The following PIEZO1 variants were observed in gnomAD, a reference collection of about 807,000 sequenced individuals.
The protein encoded by PIEZO1 is piezo-type mechanosensitive ion channel component 1.
Under a neutral mutation model 297.2 loss-of-function variants are expected in PIEZO1, and 296 were observed. That is an observed-to-expected ratio of 1.00 (90% CI 0.91 to 1.10). The LOEUF is 1.10. Among genes scored for constraint, PIEZO1 ranks in the 50% least tolerant of loss-of-function variants. The probability of loss-of-function intolerance (pLI) is 0.00; values close to 1 mark genes in which losing one functional copy is unlikely to be tolerated. For synonymous variants in PIEZO1, 2,427 were observed against 1,507.5 expected, an observed-to-expected ratio of 1.61 and a Z score of -14.13; for missense variants, 5,018 against 3,455.5, an observed-to-expected ratio of 1.45 and a Z score of -11.34.
At chr16:88,753,863 C>T (rs867500719) in intron 1 of PIEZO1, among the ~76,000 whole-genome samples, 3 of 152,154 alleles carry the variant, frequency 2.0e-5, no homozygotes, top group Non-Finnish European at 4.4e-5. Flanking sequence ...CAGGGCAGGT[C>T]GGAAGCTTCG....
chr16:88,742,745 G>T (rs571726002), intron 2 of PIEZO1: 23 of 371,852 alleles, frequency 6.2e-5, no homozygotes, highest in South Asian at 5.0e-4. Flanking sequence ...ACCTGTCACC[G>T]TTCAGTTGTG....
In PIEZO1 at chr16:88,715,564, A is replaced by C. The variant is rs1331746454; in HGVS notation, c.*41T>G. On this transcript the variant is annotated 3_prime_UTR_variant, in exon 51 of 51. Coordinates refer to ENST00000301015, the MANE Select transcript of PIEZO1 (RefSeq NM_001142864.4). ...GCCGCCCCTTGTGGCCACGCTGCCCAGCAGGCCGGCTCCTTCCCTCTCGGG... is the reference window on the plus strand; with the variant it reads ...GCCGCCCCTTGTGGCCACGCTGCCCCGCAGGCCGGCTCCTTCCCTCTCGGG... 3 of 1,534,420 alleles carry C rather than the reference A, an allele frequency of 2.0e-6. No individual in the cohort carries two copies. Among genetic ancestry groups the C allele is most frequent in the East Asian group, 2.5e-5 (1 of 40,784 alleles).
chr16:88,722,489 T>C (rs995043315), intron 35 of PIEZO1, 92 bp from the exon 36 acceptor site: 16 of 1,435,948 alleles, frequency 1.1e-5, no homozygotes, highest in African/African-American at 5.7e-5. Flanking sequence ...CCACGGTCCT[T>C]TGGGGTACAA....
In PIEZO1 at chr16:88,727,167, G is replaced by A; in HGVS notation, c.3327C>T (p.Ala1109=). ...CTGAGAACACCTGCCACTGCTGGGAGGCGCACAGCAGCAGGAGAAAGTCGC... is the reference window on the plus strand; with the variant it reads ...CTGAGAACACCTGCCACTGCTGGGAAGCGCACAGCAGCAGGAGAAAGTCGC... The part of the protein sequence containing the change: ...LISDFLLLLC[A]SQQWQVFSAE... Residue 1109 remains alanine (A), a synonymous_variant, in exon 24 of 51, where the codon GCC becomes GCT. Coordinates refer to ENST00000301015, the MANE Select transcript of PIEZO1 (RefSeq NM_001142864.4). 1 of 1,545,372 alleles carries A rather than the reference G, an allele frequency of 6.5e-7. No individual in the cohort carries two copies. The highest frequency in any genetic ancestry group is 8.7e-7 in the Non-Finnish European group (1 of 1,143,646).
intron 1 of PIEZO1, among the ~76,000 whole-genome samples, chr16:88,778,193 C>T (rs1228461585): frequency 1.3e-5 from 2 of 152,156 alleles, no homozygotes; most frequent in East Asian, 1.9e-4. Context: ...GGGCATGGCC[C>T]GAGCCCCCTT....
chr16:88,716,308 G>A (rs770258207), intron 48 of PIEZO1, 31 bp from the exon 49 acceptor site: 26 of 1,495,720 alleles, frequency 1.7e-5, no homozygotes, highest in African/African-American at 2.8e-5. Flanking sequence ...GTCAGGCCTG[G>A]CCCAGCCAAC....
intron 16 of PIEZO1, 46 bp from the exon 17 acceptor site, chr16:88,734,100 C>T: frequency 1.4e-6 from 2 of 1,470,470 alleles, no homozygotes; most frequent in Non-Finnish European, 1.8e-6. Context: ...GGTTCCTGCC[C>T]CTCATTTCCT....
intron 1 of PIEZO1, among the ~76,000 whole-genome samples, chr16:88,774,144 G>C (rs375512429): frequency 4.9e-4 from 74 of 152,318 alleles, no homozygotes; most frequent in African/African-American, 1.7e-3. Context: ...CTAAGCGCAT[G>C]ACTGTCACCT....
intron 2 of PIEZO1, among the ~76,000 whole-genome samples, chr16:88,748,973 C>G (rs1031620114): frequency 6.9e-6 from 1 of 144,748 alleles, no homozygotes; most frequent in Non-Finnish European, 1.5e-5. Flanking sequence ...CGCGGTGGCT[C>G]ACGTCTGTAA....
At position 88,719,880 on chromosome 16, in the gene PIEZO1, C is replaced by G. The variant is rs866496325; in HGVS notation, c.6245G>C (p.Arg2082Pro). The G allele has an allele frequency of 3.2e-6, 5 of 1,550,574 alleles. No individual in the cohort carries two copies. The part of the protein sequence containing the change: ...IYFALSAYQI[R>P]CGYPTRILGN... ...GAGGATGCGGGTGGGGTAGCCGCAG[C>G]GGATCTGGTAGGCGGACAGGGCGAA... The change falls in exon 43 of 51, where the codon CGC (arginine) becomes CCC (proline). Residue 2082 changes from arginine to proline, a missense_variant. Coordinates refer to ENST00000301015, the MANE Select transcript of PIEZO1 (RefSeq NM_001142864.4).
chr16:88,730,081 C>G (rs1188559902), intron 22 of PIEZO1, among the ~76,000 whole-genome samples: 1 of 152,260 alleles, frequency 6.6e-6, no homozygotes, highest in African/African-American at 2.4e-5. Context: ...AGACGGGGAG[C>G]TGGCCTCGGT....
intron 10 of PIEZO1, chr16:88,736,957 T>G: frequency 4.5e-6 from 2 of 444,204 alleles, no homozygotes. Context: ...GGGCCTCACT[T>G]TCCTTGAAAG....
In PIEZO1 at chr16:88,731,921, GA is replaced by G. The variant is rs2070342160; in HGVS notation, c.2992-12del. On this transcript the variant is annotated splice_polypyrimidine_tract_variant and intron_variant, in intron 21 of 50. Transcript: ENST00000301015. The stretch of plus-strand genomic sequence containing the variant: ...CATCAGGAAGCAGATCTGGGGAGGG[GA>G]GAGGGCGGGGTGTGGGGATGCACTG... 2.0e-6 allele frequency: 3 copies of G among 1,505,722 alleles called. No individual in the cohort carries two copies. Among genetic ancestry groups the G allele is most frequent in the Non-Finnish European group, 1.8e-6 (2 of 1,117,506 alleles). 93.3% of individuals were successfully genotyped at this position (1,505,722 alleles called of 1,614,324 possible).
At position 88,780,249 on chromosome 16, in the gene PIEZO1, G is replaced by C. The variant is rs113397876; in HGVS notation, c.64+4652C>G. On this transcript the variant is annotated intron_variant, in intron 1 of 50. Transcript: ENST00000301015. Reference sequence around the variant, plus strand: ...CGGGCCTGTCCCTTCCCACCAGTGTGATCTTGGGTGTGTGAATTAACTTCC... The same window carrying C: ...CGGGCCTGTCCCTTCCCACCAGTGTCATCTTGGGTGTGTGAATTAACTTCC... Among the ~76,000 whole-genome samples, 1,367 of 152,326 alleles carry C rather than the reference G, an allele frequency of 9.0e-3. 9 individuals are homozygous for C. The highest frequency in any genetic ancestry group is 0.054 in the Middle Eastern group (16 of 294).
intron 38 of PIEZO1, 36 bp from the exon 39 acceptor site, chr16:88,721,466 C>G (rs1339307430): frequency 6.5e-7 from 1 of 1,539,102 alleles, no homozygotes; most frequent in East Asian, 2.5e-5. Flanking sequence ...GGGGCCTTGC[C>G]TCCCTGGTGG....
chr16:88,757,330 G>GGC lies in PIEZO1; in HGVS notation c.65-7852_65-7851insGC, dbSNP rs1906722310. The stretch of plus-strand genomic sequence containing the variant: ...GGGGGCGTTGCTGGCGGGGGGGTGG[G>GGC]GGGTAGTTACCTAACCTGCCTGCTT... On this transcript the variant is annotated intron_variant, in intron 1 of 50. Coordinates refer to ENST00000301015, the MANE Select transcript of PIEZO1 (RefSeq NM_001142864.4). 1.7e-5 allele frequency among the ~76,000 whole-genome samples: 2 copies of GGC among 121,102 alleles called. 1 individual carries two copies. The highest frequency in any genetic ancestry group is 3.3e-5 in the Non-Finnish European group (2 of 59,828). 79.4% of individuals were successfully genotyped at this position (121,102 alleles called of 152,430 possible).
Position 88,725,024 on chromosome 16 carries a change from G to T in PIEZO1, c.4219C>A (p.Leu1407Met), listed in dbSNP as rs760288139. Residue 1407 changes from leucine to methionine, a missense_variant, in exon 30 of 51, where the codon CTG becomes ATG. Transcript: ENST00000301015. The stretch of plus-strand genomic sequence containing the variant: ...TTGGGGGTACCTGTGGCGTGGTCCA[G>T]CCAGGGCCGCCACCACTGCCTCCGT... Reference protein sequence around the residue: ...PPRRQWWRPWLDHATVIHSGD... With the variant: ...PPRRQWWRPWMDHATVIHSGD... 6 of 1,494,754 alleles carry T rather than the reference G, an allele frequency of 4.0e-6. No individual in the cohort carries two copies. The African/African-American group carries it at 8.6e-5, about 21-fold the overall frequency. 92.6% of individuals were successfully genotyped at this position (1,494,754 alleles called of 1,614,324 possible). A position where few individuals can be genotyped will look rare whatever the true frequency, so the allele number is the denominator to read the frequency against.
At chr16:88,748,215 G>T (rs879672189) in intron 2 of PIEZO1, among the ~76,000 whole-genome samples, 1 of 78,368 alleles carries the variant, frequency 1.3e-5, no homozygotes, top group East Asian at 4.7e-4. Context: ...CGGAGGGCCC[G>T]GCCCCACCCA....
Position 88,721,028 on chromosome 16 carries a change from G to A in PIEZO1, c.5668+138C>T. 4.3e-6 allele frequency: 4 copies of A among 925,654 alleles called. No individual in the cohort carries two copies. The South Asian group carries it at 7.1e-5, about 17-fold the overall frequency. 57.3% of individuals were successfully genotyped at this position (925,654 alleles called of 1,614,324 possible). ...TCTGTAGGCAGAGCCGGGAGCTGTG[G>A]CTCAGAAGTGGCACCTTCCTGGGAT... On this transcript the variant is annotated intron_variant, in intron 39 of 50. Transcript: ENST00000301015.
Sources: gnomAD v4.1 joint callset for allele counts (sites outside exome capture counted in the v4.1 genomes callset) on GRCh38, gnomAD v4.1.1 for gene constraint, MANE v1.5 for transcripts, NCBI Gene and HGNC (gene_info 2026-07-23, HGNC 2026-07-21) for gene names.